Variants in WNK1 observed in about 807,000 individuals in gnomAD.
WNK1 encodes serine/threonine-protein kinase WNK1.
A neutral mutation model predicts 222.8 loss-of-function variants in WNK1; 38 were observed. The ratio of observed to expected loss-of-function variants is 0.17; its 90% CI spans 0.13 to 0.22. WNK1 has a LOEUF of 0.22. WNK1 is among the 10% of genes least tolerant of loss of function. WNK1 has a pLI of 1.00. For synonymous variants in WNK1, 1,090 were observed against 1,092.9 expected, an observed-to-expected ratio of 1.00 and a Z score of 0.05; for missense variants, 2,348 against 2,918.4, an observed-to-expected ratio of 0.80 and a Z score of 4.50.
chr12:769,346 A>C (rs1418386173), intron 1 of WNK1, among the ~76,000 whole-genome samples: 1 of 151,616 alleles, frequency 6.6e-6, no homozygotes, highest in African/African-American at 2.4e-5. Context: ...TTACAGGCGC[A>C]TGCCACCACG....
In WNK1 at chr12:884,538, AT is replaced by A; in HGVS notation, c.3845-105del. 1 of 1,161,196 alleles carries A rather than the reference AT, an allele frequency of 8.6e-7. No individual in the cohort carries two copies. Among genetic ancestry groups the A allele is most frequent in the Non-Finnish European group, 1.3e-6 (1 of 799,046 alleles). 71.9% of individuals were successfully genotyped at this position (1,161,196 alleles called of 1,614,324 possible). A position where few individuals can be genotyped will look rare whatever the true frequency, so the allele number is the denominator to read the frequency against. Reference sequence around the variant, plus strand: ...TGTCTATGTTTTAAGATTACTCCATATTTTTTATCAAAAACAGATATTTATA... The same window carrying A: ...TGTCTATGTTTTAAGATTACTCCATATTTTTATCAAAAACAGATATTTATA... On this transcript the variant is annotated intron_variant, in intron 18 of 27. Transcript: ENST00000315939. The surrounding 1 kb of genome is among the most constrained non-coding windows in gnomAD (Gnocchi z 5.6).
At chr12:787,717 C>G (rs1446337320) in intron 1 of WNK1, among the ~76,000 whole-genome samples, 3 of 152,112 alleles carry the variant, frequency 2.0e-5, no homozygotes, top group African/African-American at 7.2e-5. Flanking sequence ...GACCATCTGT[C>G]TTCTGCTGGG....
chr12:805,249 G>A (rs1034518016), intron 1 of WNK1, among the ~76,000 whole-genome samples: 2 of 152,064 alleles, frequency 1.3e-5, no homozygotes, highest in African/African-American at 2.4e-5. Context: ...AGCAGTGCAC[G>A]AGGATTTCAC....
intron 20 of WNK1, among the ~76,000 whole-genome samples, chr12:888,501 A>G (rs1953887314): frequency 6.6e-6 from 1 of 152,218 alleles, no homozygotes; most frequent in Admixed American, 6.5e-5. Flanking sequence ...GGCCTAAGCA[A>G]AGACTGTGCA....
At chr12:818,443 G>C (rs147113908) in intron 2 of WNK1, among the ~76,000 whole-genome samples, 1 of 152,240 alleles carries the variant, frequency 6.6e-6, no homozygotes, top group African/African-American at 2.4e-5. Flanking sequence ...CAAGTGGTTG[G>C]ACTGCCTGAT....
intron 14 of WNK1, among the ~76,000 whole-genome samples, 195 bp downstream of exon 14, chr12:882,268 C>T (rs533345807): frequency 1.6e-3 from 238 of 152,128 alleles, no homozygotes; most frequent in Non-Finnish European, 2.7e-3. Context: ...ATGATCTCTT[C>T]TCACTGTGAT....
At chr12:771,836 G>T (rs1942541717) in intron 1 of WNK1, among the ~76,000 whole-genome samples, 1 of 152,040 alleles carries the variant, frequency 6.6e-6, no homozygotes, top group Non-Finnish European at 1.5e-5. Context: ...TTTATTTTTA[G>T]ACTGGGTTGC....
At position 908,548 on chromosome 12, in the gene WNK1, C is replaced by T. The variant is rs767363022; in HGVS notation, c.6905C>T (p.Ser2302Phe). Residue 2302 changes from serine (S) to phenylalanine (F), a missense_variant, in exon 28 of 28, where the codon TCT becomes TTT. Ser to Phe is a radical substitution (Grantham distance 155). Coordinates refer to ENST00000315939, the MANE Select transcript of WNK1 (RefSeq NM_018979.4). ...CISMTSNLGGSAPISAASATS... is the reference protein window; with the variant it reads ...CISMTSNLGGFAPISAASATS... ...TCCATGACCTCGAACCTGGGTGGCTCTGCCCCCATCTCTGCAGCATCAGCT... is the reference window on the plus strand; with the variant it reads ...TCCATGACCTCGAACCTGGGTGGCTTTGCCCCCATCTCTGCAGCATCAGCT... 2.5e-6 allele frequency: 4 copies of T among 1,614,208 alleles called. No homozygotes were observed. Among genetic ancestry groups the T allele is most frequent in the Admixed American group, 3.3e-5 (2 of 60,028 alleles).
chr12:800,470 G>T (rs1945765874), intron 1 of WNK1, among the ~76,000 whole-genome samples: 1 of 151,364 alleles, frequency 6.6e-6, no homozygotes. Context: ...TTTTTATTTT[G>T]GTAAAATATA....
chr12:808,921 G>A (rs1234779306), intron 1 of WNK1, among the ~76,000 whole-genome samples: 3 of 151,626 alleles, frequency 2.0e-5, no homozygotes, highest in African/African-American at 7.3e-5. Context: ...CTGCCACCAC[G>A]CCCGGCTAAT....
chr12:903,321 A>AT (rs552570109), intron 26 of WNK1, among the ~76,000 whole-genome samples: 105 of 150,142 alleles, frequency 7.0e-4, no homozygotes, highest in Non-Finnish European at 1.1e-3. Flanking sequence ...GGCTTGTGTG[A>AT]TTTTTTTTTT....
intron 1 of WNK1, among the ~76,000 whole-genome samples, chr12:806,186 G>A (rs1447367079): frequency 6.6e-6 from 1 of 152,180 alleles, no homozygotes; most frequent in South Asian, 2.1e-4. Context: ...AGGAAAGATG[G>A]TGTTTTCATT....
At chr12:857,629 A>G (rs1950886359) in intron 5 of WNK1, among the ~76,000 whole-genome samples, 1 of 152,248 alleles carries the variant, frequency 6.6e-6, no homozygotes, top group South Asian at 2.1e-4. Flanking sequence ...TTGGCTCTTT[A>G]AAGTCAGCTC....
chr12:869,984 A>G (rs1952004351), intron 8 of WNK1, among the ~76,000 whole-genome samples: 1 of 152,212 alleles, frequency 6.6e-6, no homozygotes, highest in Non-Finnish European at 1.5e-5. Flanking sequence ...TCAAAAGTAC[A>G]GTCAGTGTTT....
chr12:798,734 C>T (rs534990047), intron 1 of WNK1, among the ~76,000 whole-genome samples: 146 of 152,062 alleles, frequency 9.6e-4, no homozygotes, highest in Non-Finnish European at 1.6e-3. Flanking sequence ...ATAAACTTTG[C>T]CTCCACATAT....
At chr12:905,943 G>T (rs912427288) in intron 26 of WNK1, among the ~76,000 whole-genome samples, 1 of 152,110 alleles carries the variant, frequency 6.6e-6, no homozygotes, top group African/African-American at 2.4e-5. Context: ...CTTCCTCACT[G>T]CAGCTTCACC....
intron 8 of WNK1, chr12:868,005 G>T (rs1427290653): frequency 6.2e-7 from 1 of 1,613,872 alleles, no homozygotes; most frequent in East Asian, 2.2e-5. Context: ...TCCCAGCGGC[G>T]TAAGAGCACC....
chr12:776,412 TTGTGTGTG>T (rs59148357), intron 1 of WNK1, among the ~76,000 whole-genome samples: 9 of 146,106 alleles, frequency 6.2e-5, no homozygotes, highest in Non-Finnish European at 1.0e-4. Flanking sequence ...GTTTGTGTGT[TTGTGTGTG>T]TGTGTGTGTG....
intron 4 of WNK1, among the ~76,000 whole-genome samples, chr12:842,738 G>T (rs1256803714): frequency 6.6e-6 from 1 of 152,104 alleles, no homozygotes; most frequent in African/African-American, 2.4e-5. Flanking sequence ...ATTGGAAGAG[G>T]GAGATGCTCA....
Sources: gnomAD v4.1 joint callset for allele counts (sites outside exome capture counted in the v4.1 genomes callset) on GRCh38, gnomAD v4.1.1 for gene constraint, Gnocchi (gnomAD v3.1) non-coding constraint, MANE v1.5 for transcripts, NCBI Gene and HGNC (gene_info 2026-07-23, HGNC 2026-07-21) for gene names.